CEP164: variants seen among roughly 807,000 people sequenced by gnomAD.
CEP164 encodes centrosomal protein of 164 kDa.
CEP164 carries 162 observed loss-of-function variants against 182.7 expected under a neutral mutation model. The ratio of observed to expected loss-of-function variants is 0.89; its 90% CI spans 0.78 to 1.01. CEP164 has a LOEUF of 1.01. Among genes scored for constraint, CEP164 ranks in the 50% least tolerant of loss-of-function variants. The pLI, the probability that CEP164 is intolerant of heterozygous loss-of-function variation, is 0.00. For missense variants in CEP164, 1,735 were observed against 1,790.4 expected (o/e 0.97, Z 0.56); for synonymous variants, 661 against 690.0 (o/e 0.96, Z 0.66).
intron 27 of CEP164, 24 bp from the exon 28 acceptor site, chr11:117,407,901 C>G: frequency 6.4e-7 from 1 of 1,553,374 alleles, no homozygotes. Context: ...AGTCATTTCT[C>G]CTCTGTTTTC....
chr11:117,392,277 T>TC lies in CEP164; in HGVS notation c.2337dup (p.Ser780LeufsTer50). 6.2e-7 allele frequency: 1 copy of TC among 1,611,704 alleles called. No homozygotes were observed. The highest frequency in any genetic ancestry group is 8.5e-7 in the Non-Finnish European group (1 of 1,179,644). On this transcript the variant is annotated frameshift_variant, in exon 18 of 33. Coordinates refer to ENST00000278935, the MANE Select transcript of CEP164 (RefSeq NM_014956.5). LOFTEE classifies it high-confidence loss of function. ...CAGTGCTGAGCTGGAGCGGCTCTGC[T>TC]CCTCATTGGAGGCCAAGCACCGGGA...
chr11:117,412,175 G>C lies in CEP164; in HGVS notation c.*7G>C. On this transcript the variant is annotated 3_prime_UTR_variant, in exon 33 of 33. Coordinates refer to ENST00000278935, the MANE Select transcript of CEP164 (RefSeq NM_014956.5). ...GAAGGTGTATCGCTTCTGAGGCCCT[G>C]AGCAGGGGCTTGGGGCAGCCCAGCC... 6.2e-7 allele frequency: 1 copy of C among 1,613,014 alleles called. No individual in the cohort carries two copies. The highest frequency in any genetic ancestry group is 1.1e-5 in the South Asian group (1 of 90,948).
At chr11:117,354,267 C>T (rs958977434) in intron 5 of CEP164, among the ~76,000 whole-genome samples, 19 of 152,160 alleles carry the variant, frequency 1.2e-4, no homozygotes, top group African/African-American at 3.4e-4. Flanking sequence ...ATCCGCCCGC[C>T]GCAGCCTCCT....
At chr11:117,367,775 C>T (rs10892098) in intron 8 of CEP164, among the ~76,000 whole-genome samples, 41,016 of 152,074 alleles carry the variant, frequency 0.27, 5,576 homozygotes, top group Middle Eastern at 0.31. Flanking sequence ...GCCTAGTACC[C>T]GTTAGTTATT....
intron 1 of CEP164, among the ~76,000 whole-genome samples, chr11:117,329,356 T>A (rs2035832634): frequency 6.6e-6 from 1 of 152,180 alleles, no homozygotes; most frequent in Non-Finnish European, 1.5e-5. Context: ...GAGCCTCTGT[T>A]CTTCCAGGCC....
intron 4 of CEP164, among the ~76,000 whole-genome samples, chr11:117,344,914 C>T (rs577745104): frequency 7.3e-5 from 11 of 150,644 alleles, no homozygotes; most frequent in Middle Eastern, 6.8e-3. Flanking sequence ...GGCGACAGAG[C>T]GAGACTCCAT....
At chr11:117,380,756 G>A in intron 12 of CEP164, 51 bp downstream of exon 12, 2 of 1,518,062 alleles carry the variant, frequency 1.3e-6, no homozygotes, top group Non-Finnish European at 8.9e-7. Flanking sequence ...GGGTGGTGTG[G>A]ACTTGGGCAG....
chr11:117,362,630 A>G, intron 7 of CEP164, 92 bp downstream of exon 7: 2 of 1,450,148 alleles, frequency 1.4e-6, no homozygotes, highest in Non-Finnish European at 1.9e-6. Context: ...AAAAATATGT[A>G]ACATAAAATT....
intron 27 of CEP164, among the ~76,000 whole-genome samples, chr11:117,401,282 A>C (rs2046106737): frequency 6.6e-6 from 1 of 152,100 alleles, no homozygotes; most frequent in Non-Finnish European, 1.5e-5. Context: ...TATGTGATGG[A>C]TTGTGTTTAT....
At chr11:117,326,829 C>T (rs922629762), upstream of CEP164, among the ~76,000 whole-genome samples, 15 of 152,202 alleles carry the variant, frequency 9.9e-5, no homozygotes, top group Non-Finnish European at 1.8e-4. Flanking sequence ...CATCATTTTC[C>T]TCCTCAACTA....
At chr11:117,388,854 C>T (rs1401001106) in intron 15 of CEP164, among the ~76,000 whole-genome samples, 1 of 151,796 alleles carries the variant, frequency 6.6e-6, no homozygotes, top group African/African-American at 2.4e-5. Flanking sequence ...CAAGCTCCGC[C>T]TCCCAGGTTC....
Position 117,375,008 on chromosome 11 carries a change from C to T in CEP164, c.1234-700C>T, listed in dbSNP as rs151139137. 3.8e-3 allele frequency among the ~76,000 whole-genome samples: 576 copies of T among 152,342 alleles called. 2 individuals carry two copies. The highest frequency in any genetic ancestry group is 5.6e-3 in the Admixed American group (85 of 15,310). ...CAACAAACTGGCACCAGTGTGGGCA[C>T]TTGCTGCCTGTCCCAAAGAGAAGCC... On this transcript the variant is annotated intron_variant, in intron 10 of 32. Coordinates refer to ENST00000278935, the MANE Select transcript of CEP164 (RefSeq NM_014956.5).
intron 11 of CEP164, 127 bp from the exon 12 acceptor site, chr11:117,380,487 C>T (rs989159753): frequency 1.5e-5 from 11 of 712,918 alleles, no homozygotes; most frequent in Middle Eastern, 3.8e-4. Context: ...TTCTACGTCC[C>T]GTATGGTCCC....
rs775351622 is a variant in CEP164 at position 117,375,747 on chromosome 11, G to T, written c.1273G>T (p.Asp425Tyr). 1.9e-5 allele frequency: 30 copies of T among 1,614,140 alleles called. No homozygotes were observed. The highest frequency in any genetic ancestry group is 2.0e-5 in the Non-Finnish European group (24 of 1,180,028). Reference protein sequence around the residue: ...FRSRISEHLLDVDVLSPVLGG... With the variant: ...FRSRISEHLLYVDVLSPVLGG... Reference sequence around the variant, plus strand: ...CAGCCGGATCTCGGAGCACCTGCTGGATGTTGATGTGCTTTCCCCAGTCCT... The same window carrying T: ...CAGCCGGATCTCGGAGCACCTGCTGTATGTTGATGTGCTTTCCCCAGTCCT... Residue 425 changes from aspartate (D) to tyrosine (Y), a missense_variant, in exon 11 of 33, where the codon GAT (aspartate) becomes TAT (tyrosine). Physicochemically the swap from Asp to Tyr is radical, Grantham distance 160. Coordinates refer to ENST00000278935, the MANE Select transcript of CEP164 (RefSeq NM_014956.5).
At chr11:117,390,348 T>G (rs1417922226) in intron 15 of CEP164, among the ~76,000 whole-genome samples, 1 of 152,006 alleles carries the variant, frequency 6.6e-6, no homozygotes, top group Admixed American at 6.6e-5. Flanking sequence ...GACTCATCTT[T>G]AAGATTTAGG....
At chr11:117,393,278 T>G in intron 20 of CEP164, 152 bp downstream of exon 20, 1 of 1,357,276 alleles carries the variant, frequency 7.4e-7, no homozygotes, top group Non-Finnish European at 9.7e-7. Context: ...GGGGATAAAC[T>G]GTGGTCAGGG....
rs521099 is a variant in CEP164 at position 117,412,263 on chromosome 11, C to A, written c.*95C>A. ...GCCTTCTTCCATCTGAGAAAGCACC[C>A]TCCTTCCCCCTTTGACTTGCAGGAG... On this transcript the variant is annotated 3_prime_UTR_variant, in exon 33 of 33. Transcript: ENST00000278935. The A allele has an allele frequency of 2.7e-6, 3 of 1,115,402 alleles. No individual in the cohort carries two copies. The highest frequency in any genetic ancestry group is 3.0e-5 in the South Asian group (2 of 66,080). 69.1% of individuals were successfully genotyped at this position (1,115,402 alleles called of 1,614,324 possible).
At chr11:117,352,461 A>T (rs1173725905) in intron 5 of CEP164, among the ~76,000 whole-genome samples, 1 of 152,152 alleles carries the variant, frequency 6.6e-6, no homozygotes, top group Non-Finnish European at 1.5e-5. Context: ...GCCATAATTT[A>T]GTTGTCAAAA....
At chr11:117,341,646 G>A (rs568033799) in intron 3 of CEP164, among the ~76,000 whole-genome samples, 45 of 151,758 alleles carry the variant, frequency 3.0e-4, no homozygotes, top group Middle Eastern at 3.2e-3. Flanking sequence ...GGGTCTTGCC[G>A]TGTTGCCCAG....
Sources: gnomAD v4.1 joint callset for allele counts (sites outside exome capture counted in the v4.1 genomes callset) on GRCh38, gnomAD v4.1.1 for gene constraint, MANE v1.5 for transcripts, NCBI Gene and HGNC (gene_info 2026-07-23, HGNC 2026-07-21) for gene names.